The following CYLC2 variants were observed in gnomAD, a reference collection of about 807,000 sequenced individuals.
The protein encoded by CYLC2 is cylicin-2.
CYLC2 carries 30 observed loss-of-function variants against 26.1 expected under a neutral mutation model. The ratio of observed to expected loss-of-function variants is 1.15; its 90% confidence interval spans 0.86 to 1.56. The LOEUF (loss-of-function observed/expected upper bound fraction) is 1.56, where lower values mean the gene tolerates loss of function less well. Among genes scored for constraint, CYLC2 ranks in the 40% most tolerant of loss-of-function variants. The probability of loss-of-function intolerance (pLI) is 0.00; values close to 1 mark genes in which losing one functional copy is unlikely to be tolerated. For synonymous variants in CYLC2, 158 were observed against 132.8 expected (o/e 1.19, Z -1.31); for missense variants, 498 against 394.4 (o/e 1.26, Z -2.23).
In CYLC2 at chr9:103,013,236, T is replaced by C. The variant is rs866891898; in HGVS notation, c.*816+1139T>C. ...TATTAATATGTATATTATAAACATA[T>C]AACATGTAAATATATATTTAATGTG... On this transcript the variant is annotated intron_variant, in intron 6 of 7. Transcript: ENST00000374798. 3.4e-3 allele frequency among the ~76,000 whole-genome samples: 326 copies of C among 94,716 alleles called. 1 individual carries two copies. Among genetic ancestry groups the C allele is most frequent in the Middle Eastern group, 0.01 (1 of 100 alleles). 62.1% of individuals were successfully genotyped at this position (94,716 alleles called of 152,430 possible). A position where few individuals can be genotyped will look rare whatever the true frequency, so the allele number is the denominator to read the frequency against.
At chr9:103,013,225 T>C (rs1829431744) in intron 6 of CYLC2, among the ~76,000 whole-genome samples, 1 of 125,442 alleles carries the variant, frequency 8.0e-6, no homozygotes, top group South Asian at 2.3e-4. Flanking sequence ...AATATGTATA[T>C]TATAAACATA....
intron 2 of CYLC2, 36 bp downstream of exon 2, chr9:103,001,654 G>A: frequency 7.3e-7 from 1 of 1,371,986 alleles, no homozygotes; most frequent in Non-Finnish European, 1.0e-6. Context: ...CAAAACAGGT[G>A]TGCTTAATTT....
At chr9:103,000,108 G>C (rs183786379) in intron 1 of CYLC2, among the ~76,000 whole-genome samples, 73 of 151,682 alleles carry the variant, frequency 4.8e-4, no homozygotes, top group African/African-American at 1.6e-3. Flanking sequence ...TATTCTCTAT[G>C]AACTTTTAAG....
At chr9:103,013,683 T>G (rs1829445650) in intron 6 of CYLC2, among the ~76,000 whole-genome samples, 1 of 111,046 alleles carries the variant, frequency 9.0e-6, no homozygotes, top group Admixed American at 1.2e-4. Flanking sequence ...ATATATATGA[T>G]ATATAATATA....
intron 5 of CYLC2, among the ~76,000 whole-genome samples, chr9:103,008,773 C>T (rs1387621217): frequency 6.6e-6 from 1 of 152,044 alleles, no homozygotes; most frequent in African/African-American, 2.4e-5. Context: ...ACTAAAAGTC[C>T]AATCAACCAT....
intron 1 of CYLC2, among the ~76,000 whole-genome samples, chr9:102,996,954 G>C (rs1421740527): frequency 6.6e-6 from 1 of 151,740 alleles, no homozygotes; most frequent in Non-Finnish European, 1.5e-5. Flanking sequence ...AGGTAGGAGA[G>C]GTTATCACAA....
At position 103,014,180 on chromosome 9, in the gene CYLC2, C is replaced by T. The variant is rs555777479; in HGVS notation, c.*816+2083C>T. Among the ~76,000 whole-genome samples the T allele has an allele frequency of 4.8e-3, 556 of 114,978 alleles. 5 individuals are homozygous for T. Among genetic ancestry groups the T allele is most frequent in the African/African-American group, 0.019 (520 of 27,818 alleles). 75.4% of individuals were successfully genotyped at this position (114,978 alleles called of 152,430 possible). ...TATATAATATGAATATTATATATCT[C>T]ATATATAATATATAATATGAATATT... On this transcript the variant is annotated intron_variant, in intron 6 of 7. Transcript: ENST00000374798.
At chr9:103,011,947 CTTTTTTTTTTTTT>C (rs776460013) in intron 5 of CYLC2, 22 bp from the exon 6 acceptor site, 1 of 64,078 alleles carries the variant, frequency 1.6e-5, no homozygotes, top group Non-Finnish European at 2.8e-5. Flanking sequence ...AGATCATTCT[CTTTTTTTTTTTTT>C]TTTTTTTTTT....
At chr9:103,002,357 C>CTTTTTTT (rs61123272) in intron 2 of CYLC2, among the ~76,000 whole-genome samples, 2 of 77,620 alleles carry the variant, frequency 2.6e-5, no homozygotes, top group Non-Finnish European at 4.6e-5. Flanking sequence ...CATTTGCCCC[C>CTTTTTTT]TTTTTTTTTT....
intron 3 of CYLC2, 146 bp downstream of exon 3, chr9:103,003,409 C>G (rs555672722): frequency 3.0e-6 from 2 of 664,978 alleles, no homozygotes; most frequent in African/African-American, 1.8e-5. Flanking sequence ...TGTTATAGAT[C>G]AAAGCTGACC....
chr9:102,996,425 A>G (rs960911747), intron 1 of CYLC2, among the ~76,000 whole-genome samples: 2 of 151,744 alleles, frequency 1.3e-5, no homozygotes, highest in Non-Finnish European at 2.9e-5. Context: ...ATGGTTAGAA[A>G]CCTCTTTTTG....
chr9:103,000,354 A>G (rs1302661638), intron 1 of CYLC2, among the ~76,000 whole-genome samples: 1 of 151,864 alleles, frequency 6.6e-6, no homozygotes, highest in Non-Finnish European at 1.5e-5. Context: ...TTGAAAATCT[A>G]TTTTGAAAAT....
intron 1 of CYLC2, among the ~76,000 whole-genome samples, chr9:103,000,372 T>A (rs1053394177): frequency 1.3e-5 from 2 of 152,006 alleles, no homozygotes; most frequent in African/African-American, 4.8e-5. Context: ...AATATCAAGT[T>A]TAATAGTGTT....
chr9:103,012,881 A>G (rs913570511), intron 6 of CYLC2, among the ~76,000 whole-genome samples: 4 of 151,396 alleles, frequency 2.6e-5, no homozygotes, highest in African/African-American at 9.7e-5. Flanking sequence ...TTTTCAGGGT[A>G]TATACAGAGA....
chr9:103,002,405 G>A (rs536714103), intron 2 of CYLC2, among the ~76,000 whole-genome samples: 168 of 115,392 alleles, frequency 1.5e-3, no homozygotes, highest in Non-Finnish European at 2.1e-3. Flanking sequence ...TTGCTCTGTC[G>A]CTCAAGCTGG....
intron 2 of CYLC2, among the ~76,000 whole-genome samples, chr9:103,002,574 G>C (rs2066260): frequency 6.6e-6 from 1 of 151,414 alleles, no homozygotes; most frequent in Admixed American, 6.6e-5. Flanking sequence ...GGATGGTCTC[G>C]ATCTCCTGAC....
intron 6 of CYLC2, among the ~76,000 whole-genome samples, chr9:103,013,972 T>C (rs1829454204): frequency 8.7e-6 from 1 of 115,160 alleles, no homozygotes; most frequent in Non-Finnish European, 1.6e-5. Context: ...ATTATTATAT[T>C]ATATATTATT....
intron 1 of CYLC2, among the ~76,000 whole-genome samples, chr9:102,999,156 G>T (rs1235623119): frequency 6.6e-6 from 1 of 151,556 alleles, no homozygotes; most frequent in Admixed American, 6.6e-5. Flanking sequence ...ATTCACTTAT[G>T]CAGCTTTTAT....
At chr9:103,006,776 T>C (rs1458670947) in intron 5 of CYLC2, among the ~76,000 whole-genome samples, 3 of 152,124 alleles carry the variant, frequency 2.0e-5, no homozygotes, top group Non-Finnish European at 2.9e-5. Context: ...TGAGGGTACA[T>C]AGTAGATTTA....
Sources: gnomAD v4.1 joint callset for allele counts (sites outside exome capture counted in the v4.1 genomes callset) on GRCh38, gnomAD v4.1.1 for gene constraint, MANE v1.5 for transcripts, NCBI Gene and HGNC (gene_info 2026-07-23, HGNC 2026-07-21) for gene names.